The following LSAMP variants were observed in gnomAD, a reference collection of about 807,000 sequenced individuals.
LSAMP encodes limbic system associated membrane protein.
A neutral mutation model predicts 38.6 loss-of-function variants in LSAMP; 7 were observed. The observed-to-expected ratio is 0.18, with a 90% CI of 0.10 to 0.34. The LOEUF (loss-of-function observed/expected upper bound fraction) is 0.34. Among genes scored for constraint, LSAMP ranks in the 10% least tolerant of loss-of-function variants. The pLI, the probability that LSAMP is intolerant of heterozygous loss-of-function variation, is 1.00. For missense variants in LSAMP, 313 were observed against 420.0 expected (o/e 0.75, Z 2.23); for synonymous variants, 154 against 166.8 (o/e 0.92, Z 0.59).
At chr3:116,183,314 G>A (rs1417235503) in intron 1 of LSAMP, among the ~76,000 whole-genome samples, 2 of 151,892 alleles carry the variant, frequency 1.3e-5, no homozygotes, top group Non-Finnish European at 2.9e-5. Flanking sequence ...CATCATGATT[G>A]CATGCTTATT....
chr3:116,255,926 A>AT (rs2046744674), intron 1 of LSAMP, among the ~76,000 whole-genome samples: 1 of 152,172 alleles, frequency 6.6e-6, no homozygotes, highest in South Asian at 2.1e-4. Context: ...TTGGTGACAC[A>AT]TTGAATAATA....
intron 2 of LSAMP, among the ~76,000 whole-genome samples, chr3:116,053,408 A>G (rs1941431815): frequency 6.6e-6 from 1 of 152,248 alleles, no homozygotes; most frequent in Non-Finnish European, 1.5e-5. Context: ...CCATGGCACA[A>G]TGAAATGGGT....
chr3:116,379,447 G>A (rs2048531300), intron 1 of LSAMP, among the ~76,000 whole-genome samples: 1 of 151,962 alleles, frequency 6.6e-6, no homozygotes, highest in Non-Finnish European at 1.5e-5. Context: ...CATAAGGAAA[G>A]AGCCAGATCA....
At chr3:116,019,468 A>C (rs1462460080) in intron 3 of LSAMP, 47 bp downstream of exon 3, 1 of 1,594,944 alleles carries the variant, frequency 6.3e-7, no homozygotes, top group South Asian at 1.1e-5. Context: ...GAGCATGAGC[A>C]TATTTTAAAC....
intron 1 of LSAMP, among the ~76,000 whole-genome samples, chr3:116,327,777 T>A (rs1371565265): frequency 1.3e-5 from 2 of 152,108 alleles, no homozygotes; most frequent in Non-Finnish European, 2.9e-5. Flanking sequence ...GATGTGATTG[T>A]GAGGTAAAAT....
At chr3:116,324,615 T>C (rs2047745838) in intron 1 of LSAMP, among the ~76,000 whole-genome samples, 1 of 152,184 alleles carries the variant, frequency 6.6e-6, no homozygotes, top group African/African-American at 2.4e-5. Flanking sequence ...GGCTTTAGTC[T>C]CCCCTGGATG....
intron 6 of LSAMP, among the ~76,000 whole-genome samples, chr3:115,832,698 T>C (rs1420745949): frequency 6.6e-6 from 1 of 152,206 alleles, no homozygotes; most frequent in Non-Finnish European, 1.5e-5. Flanking sequence ...TCCGTCTTAA[T>C]GAACAGCTTT....
In LSAMP at chr3:116,333,467, GA is replaced by G. The variant is rs199531536; in HGVS notation, c.155+111409del. On this transcript the variant is annotated intron_variant, in intron 1 of 6. Transcript: ENST00000490035. Reference sequence around the variant, plus strand: ...GGCAGAGAATTGAACCCAGGAGGCGGAGGTTGCAGTGAGCAAGGATCGTGCC... The same window carrying G: ...GGCAGAGAATTGAACCCAGGAGGCGGGGTTGCAGTGAGCAAGGATCGTGCC... Among the ~76,000 whole-genome samples, 1,364 of 151,576 alleles carry G rather than the reference GA, an allele frequency of 9.0e-3. 9 individuals carry two copies. Among genetic ancestry groups the G allele is most frequent in the Non-Finnish European group, 0.016 (1,101 of 67,906 alleles).
intron 4 of LSAMP, among the ~76,000 whole-genome samples, chr3:115,843,701 A>G (rs886717578): frequency 5.4e-5 from 8 of 148,880 alleles, no homozygotes; most frequent in Admixed American, 3.4e-4. Flanking sequence ...TTTTTTTTGT[A>G]TTAAAAAACT....
intron 2 of LSAMP, among the ~76,000 whole-genome samples, chr3:116,073,828 C>G (rs1707669564): frequency 6.6e-6 from 1 of 152,116 alleles, no homozygotes; most frequent in Non-Finnish European, 1.5e-5. Context: ...TTGTATAACT[C>G]AGTGTTTTTA....
Position 115,809,445 on chromosome 3 carries a change from G to A in LSAMP, c.*872C>T. 1 of 153,254 alleles carries A rather than the reference G, an allele frequency of 6.5e-6. No homozygotes were observed. Among genetic ancestry groups the A allele is most frequent in the Non-Finnish European group, 1.5e-5 (1 of 68,896 alleles). The allele number at this position is 153,254 out of a possible 1,614,324, so 9.5% of individuals were successfully genotyped here. A position where few individuals can be genotyped will look rare whatever the true frequency, so the allele number is the denominator to read the frequency against. On this transcript the variant is annotated 3_prime_UTR_variant, in exon 7 of 7. Transcript: ENST00000490035. ...TCTCCCCCAGCAACTTGTTACAGCC[G>A]CATCTCACAATTACAATGCAGGACA...
chr3:116,029,873 T>C, intron 2 of LSAMP, among the ~76,000 whole-genome samples: 1 of 152,014 alleles, frequency 6.6e-6, no homozygotes, highest in Non-Finnish European at 1.5e-5. Context: ...ATTATTACAT[T>C]CTCAAGTGGC....
At chr3:116,078,061 TTTAA>T (rs907329726) in intron 2 of LSAMP, among the ~76,000 whole-genome samples, 44 of 152,192 alleles carry the variant, frequency 2.9e-4, no homozygotes, top group African/African-American at 9.2e-4. Context: ...GTACTACTTT[TTTAA>T]TTAGTCTTTT....
At chr3:116,067,450 A>C (rs188876141) in intron 2 of LSAMP, among the ~76,000 whole-genome samples, 184 of 152,318 alleles carry the variant, frequency 1.2e-3, no homozygotes, top group Middle Eastern at 3.4e-3. Context: ...TGAAATGTGG[A>C]CCTCATACAG....
intron 3 of LSAMP, among the ~76,000 whole-genome samples, chr3:115,874,370 A>C (rs1161648456): frequency 6.6e-6 from 1 of 151,060 alleles, no homozygotes; most frequent in South Asian, 2.1e-4. Flanking sequence ...CCTATTCTCA[A>C]CCCCTAGGTT....
chr3:116,177,544 A>C (rs919224240), intron 1 of LSAMP, among the ~76,000 whole-genome samples: 1 of 152,210 alleles, frequency 6.6e-6, no homozygotes, highest in Non-Finnish European at 1.5e-5. Context: ...GAAATGCCAC[A>C]TGTGAATAAA....
At chr3:116,062,957 A>G (rs768388502) in intron 2 of LSAMP, among the ~76,000 whole-genome samples, 1 of 152,228 alleles carries the variant, frequency 6.6e-6, no homozygotes. Context: ...GGACTACAAC[A>G]TGAGAAGAGT....
At chr3:116,034,190 G>C (rs6787872) in intron 2 of LSAMP, among the ~76,000 whole-genome samples, 1 of 151,808 alleles carries the variant, frequency 6.6e-6, no homozygotes. Flanking sequence ...CCTGACATGA[G>C]GGATCCTTTG....
At chr3:116,123,400 A>G (rs1216477293) in intron 1 of LSAMP, among the ~76,000 whole-genome samples, 2 of 152,234 alleles carry the variant, frequency 1.3e-5, no homozygotes, top group African/African-American at 4.8e-5. Context: ...CACAATGCAT[A>G]TGAAAAAAAT....
Sources: allele counts gnomAD v4.1 joint callset (sites outside exome capture counted in the v4.1 genomes callset), GRCh38; gene constraint gnomAD v4.1.1; transcripts MANE v1.5; gene names NCBI Gene and HGNC (gene_info 2026-07-23, HGNC 2026-07-21).